Variants in COX7B2 observed in about 807,000 individuals in gnomAD.
The protein encoded by COX7B2 is cytochrome c oxidase subunit 7B2, mitochondrial.
For synonymous variants in COX7B2, 37 were observed against 32.1 expected (o/e 1.15, Z -0.51); for missense variants, 109 against 95.9 (o/e 1.14, Z -0.57).
intron 2 of COX7B2, among the ~76,000 whole-genome samples, chr4:46,798,449 G>A (rs753079818): frequency 2.6e-5 from 4 of 152,112 alleles, no homozygotes; most frequent in East Asian, 1.9e-4. Context: ...ATTTCACTTC[G>A]GCCATATAAC....
intron 2 of COX7B2, among the ~76,000 whole-genome samples, chr4:46,798,253 G>C (rs1298272903): frequency 2.0e-5 from 3 of 152,134 alleles, no homozygotes; most frequent in African/African-American, 7.2e-5. Context: ...ATTGCAACTG[G>C]CCTCTCCTAG....
chr4:46,792,723 C>A (rs1715660770), intron 2 of COX7B2, among the ~76,000 whole-genome samples: 1 of 152,180 alleles, frequency 6.6e-6, no homozygotes, highest in Non-Finnish European at 1.5e-5. Flanking sequence ...CATCCTAATT[C>A]TTCTGATTCT....
chr4:46,801,958 C>T (rs752909914), intron 2 of COX7B2, among the ~76,000 whole-genome samples: 8 of 152,128 alleles, frequency 5.3e-5, no homozygotes, highest in Non-Finnish European at 1.0e-4. Flanking sequence ...AACAGATAAA[C>T]TCACTCTCAG....
chr4:46,801,714 T>C (rs188928737), intron 2 of COX7B2, among the ~76,000 whole-genome samples: 1 of 152,178 alleles, frequency 6.6e-6, no homozygotes, highest in East Asian at 1.9e-4. Context: ...CCCCTGAACC[T>C]AAAATAAAAG....
Position 46,877,055 on chromosome 4 carries a change from A to C in COX7B2, c.-104-32041T>G, listed in dbSNP as rs149992099. On this transcript the variant is annotated intron_variant, in intron 1 of 2. Transcript: ENST00000355591. The stretch of plus-strand genomic sequence containing the variant: ...AGCAGTAAGAATCGAACGACTCTCA[A>C]AACCCAGTTTCAGTTCTAGTATGAC... 4.0e-3 allele frequency among the ~76,000 whole-genome samples: 602 copies of C among 152,330 alleles called. 3 individuals are homozygous for C. Among genetic ancestry groups the C allele is most frequent in the African/African-American group, 0.014 (573 of 41,570 alleles).
intron 2 of COX7B2, among the ~76,000 whole-genome samples, chr4:46,772,158 G>A (rs1716912810): frequency 6.6e-6 from 1 of 152,048 alleles, no homozygotes; most frequent in Admixed American, 6.6e-5. Flanking sequence ...GATGAACCTG[G>A]AGTACATTAT....
intron 2 of COX7B2, among the ~76,000 whole-genome samples, chr4:46,823,733 T>A (rs1714468163): frequency 6.7e-6 from 1 of 149,270 alleles, no homozygotes; most frequent in Non-Finnish European, 1.5e-5. Context: ...AAAGCCAAAA[T>A]AAGGAAAAAA....
intron 2 of COX7B2, among the ~76,000 whole-genome samples, chr4:46,745,791 C>T (rs1254596052): frequency 2.6e-5 from 4 of 152,180 alleles, no homozygotes; most frequent in African/African-American, 4.8e-5. Flanking sequence ...GGTTACCCAT[C>T]TAAAAACATG....
At chr4:46,750,195 TACACACACACACACAC>T (rs58139781) in intron 2 of COX7B2, among the ~76,000 whole-genome samples, 2 of 113,856 alleles carry the variant, frequency 1.8e-5, no homozygotes, top group African/African-American at 3.4e-5. Context: ...ATCCCATCTC[TACACACACACACACAC>T]ACACACACAC....
intron 2 of COX7B2, among the ~76,000 whole-genome samples, chr4:46,799,022 T>C (rs556766310): frequency 1.3e-5 from 2 of 152,250 alleles, no homozygotes; most frequent in South Asian, 2.1e-4. Context: ...CACAGAAGTA[T>C]TGGGGCCTTT....
At chr4:46,801,962 C>T (rs995407835) in intron 2 of COX7B2, among the ~76,000 whole-genome samples, 2 of 152,136 alleles carry the variant, frequency 1.3e-5, no homozygotes, top group Non-Finnish European at 2.9e-5. Flanking sequence ...GATAAACTCA[C>T]TCTCAGGAAA....
chr4:46,832,938 T>G (rs1715254429), intron 2 of COX7B2, among the ~76,000 whole-genome samples: 1 of 151,852 alleles, frequency 6.6e-6, no homozygotes, highest in South Asian at 2.1e-4. Context: ...GGAGTCTCGC[T>G]CTTGTTGCCC....
At chr4:46,741,342 A>G (rs745591889) in intron 2 of COX7B2, among the ~76,000 whole-genome samples, 1 of 152,056 alleles carries the variant, frequency 6.6e-6, no homozygotes, top group Non-Finnish European at 1.5e-5. Context: ...AATCCTGTGC[A>G]TTGTAAGATG....
At chr4:46,833,801 CAAA>C (rs944333427) in intron 2 of COX7B2, among the ~76,000 whole-genome samples, 1 of 150,420 alleles carries the variant, frequency 6.6e-6, no homozygotes, top group African/African-American at 2.4e-5. Flanking sequence ...ACAGATAAGG[CAAA>C]AAAAAGAAGT....
At chr4:46,791,902 C>T (rs1718068393) in intron 2 of COX7B2, among the ~76,000 whole-genome samples, 1 of 152,218 alleles carries the variant, frequency 6.6e-6, no homozygotes, top group South Asian at 2.1e-4. Context: ...CTATACACTA[C>T]AAGAAAGATG....
At chr4:46,764,068 A>G (rs890618405) in intron 2 of COX7B2, among the ~76,000 whole-genome samples, 1 of 152,218 alleles carries the variant, frequency 6.6e-6, no homozygotes, top group Non-Finnish European at 1.5e-5. Flanking sequence ...GCTGGTTGAA[A>G]TTGATCTGAA....
intron 1 of COX7B2, among the ~76,000 whole-genome samples, chr4:46,908,390 G>C (rs934065573): frequency 6.6e-6 from 1 of 152,094 alleles, no homozygotes. Context: ...CAACACTCCT[G>C]GTCAGATTTT....
intron 2 of COX7B2, among the ~76,000 whole-genome samples, chr4:46,826,519 C>T (rs1022151743): frequency 6.6e-6 from 1 of 151,300 alleles, no homozygotes; most frequent in African/African-American, 2.4e-5. Context: ...CCATTATTCC[C>T]CAAAATATAA....
At chr4:46,744,758 T>TTTTTG (rs1421700660) in intron 2 of COX7B2, among the ~76,000 whole-genome samples, 1 of 149,032 alleles carries the variant, frequency 6.7e-6, no homozygotes, top group Admixed American at 6.7e-5. Flanking sequence ...TTTTTTTTTT[T>TTTTTG]GGGAGACGGA....
Sources: gnomAD v4.1 joint callset for allele counts (sites outside exome capture counted in the v4.1 genomes callset) on GRCh38, gnomAD v4.1.1 for gene constraint, MANE v1.5 for transcripts, NCBI Gene and HGNC (gene_info 2026-07-23, HGNC 2026-07-21) for gene names.